COLGALT2: variants seen among roughly 807,000 people sequenced by gnomAD.
The protein encoded by COLGALT2 is procollagen galactosyltransferase 2.
A neutral mutation model predicts 73.4 loss-of-function variants in COLGALT2; 49 were observed. That is an observed-to-expected ratio of 0.67 (90% confidence interval 0.53 to 0.85). The LOEUF (loss-of-function observed/expected upper bound fraction) is 0.85, where lower values mean the gene tolerates loss of function less well. COLGALT2 is among the 40% of genes least tolerant of loss of function. COLGALT2 has a pLI of 0.00. For synonymous variants in COLGALT2, 295 were observed against 307.6 expected, an observed-to-expected ratio of 0.96 and a Z score of 0.43; for missense variants, 722 against 790.2, an observed-to-expected ratio of 0.91 and a Z score of 1.03.
At chr1:183,972,494 T>TA (rs909406769) in intron 4 of COLGALT2, among the ~76,000 whole-genome samples, 1 of 152,052 alleles carries the variant, frequency 6.6e-6, no homozygotes, top group Non-Finnish European at 1.5e-5. Context: ...AATTAAAGAA[T>TA]AAAAAATATA....
intron 1 of COLGALT2, among the ~76,000 whole-genome samples, chr1:184,020,678 C>T (rs1194256070): frequency 6.6e-6 from 1 of 152,180 alleles, no homozygotes; most frequent in Non-Finnish European, 1.5e-5. Context: ...CTTAACACAT[C>T]TTTTGAAATC....
intron 11 of COLGALT2, among the ~76,000 whole-genome samples, chr1:183,930,521 T>C (rs1669820713): frequency 6.6e-6 from 1 of 151,552 alleles, no homozygotes; most frequent in South Asian, 2.1e-4. Flanking sequence ...CATGAGTAGC[T>C]GGGACTACAT....
chr1:183,933,532 C>G (rs1233302198), downstream of COLGALT2, among the ~76,000 whole-genome samples: 8 of 152,224 alleles, frequency 5.3e-5, no homozygotes, highest in Non-Finnish European at 1.2e-4. Flanking sequence ...AATGCCTGGA[C>G]AACTGAACTC....
intron 1 of COLGALT2, among the ~76,000 whole-genome samples, chr1:184,026,979 T>G (rs1440883381): frequency 6.6e-6 from 1 of 152,200 alleles, no homozygotes; most frequent in African/African-American, 2.4e-5. Context: ...CGTTTTATAC[T>G]GAGCCCCAGT....
chr1:183,973,298 T>C (rs1050851663), intron 4 of COLGALT2, among the ~76,000 whole-genome samples: 15 of 152,182 alleles, frequency 9.9e-5, no homozygotes, highest in Non-Finnish European at 1.8e-4. Flanking sequence ...TTTTCTATAG[T>C]GTTCTTATGT....
At chr1:184,023,647 G>GTC in intron 1 of COLGALT2, among the ~76,000 whole-genome samples, 1 of 142,034 alleles carries the variant, frequency 7.0e-6, no homozygotes, top group Non-Finnish European at 1.5e-5. Flanking sequence ...GTGAGGTGGG[G>GTC]GGGGGGGGCG....
chr1:183,967,896 G>A (rs1053207161), intron 5 of COLGALT2, among the ~76,000 whole-genome samples: 1 of 152,118 alleles, frequency 6.6e-6, no homozygotes, highest in African/African-American at 2.4e-5. Flanking sequence ...TAGACATAAG[G>A]GCTACAAAAT....
At chr1:183,955,832 T>C (rs1375613535) in intron 6 of COLGALT2, among the ~76,000 whole-genome samples, 1 of 152,204 alleles carries the variant, frequency 6.6e-6, no homozygotes, top group Non-Finnish European at 1.5e-5. Flanking sequence ...CTGTAACGTA[T>C]CTGTTCACCT....
At chr1:183,971,802 C>T (rs1277984486) in intron 4 of COLGALT2, among the ~76,000 whole-genome samples, 2 of 152,292 alleles carry the variant, frequency 1.3e-5, no homozygotes, top group East Asian at 1.9e-4. Context: ...ACAAAAATCA[C>T]GTTAATCCCC....
chr1:184,015,402 GCCTTGTT>G (rs1648966768), intron 1 of COLGALT2, among the ~76,000 whole-genome samples: 1 of 152,146 alleles, frequency 6.6e-6, no homozygotes, highest in Admixed American at 6.5e-5. Context: ...TCAGAACAGT[GCCTTGTT>G]CCTCAACCCA....
downstream of COLGALT2, among the ~76,000 whole-genome samples, chr1:183,931,041 T>C (rs1207885132): frequency 6.6e-6 from 1 of 152,238 alleles, no homozygotes; most frequent in Non-Finnish European, 1.5e-5. Context: ...TAATGTTTTC[T>C]TAAGAGTTTG....
intron 1 of COLGALT2, among the ~76,000 whole-genome samples, chr1:183,987,688 C>T (rs1362482624): frequency 6.6e-6 from 1 of 152,190 alleles, no homozygotes; most frequent in African/African-American, 2.4e-5. Flanking sequence ...GGGAACTTCT[C>T]CCCATCCAAC....
chr1:183,997,438 G>T (rs1671799214), intron 1 of COLGALT2, among the ~76,000 whole-genome samples: 1 of 152,086 alleles, frequency 6.6e-6, no homozygotes, highest in African/African-American at 2.4e-5. Flanking sequence ...TGAATTTTTG[G>T]TTATTAATTC....
intron 5 of COLGALT2, among the ~76,000 whole-genome samples, chr1:183,967,606 C>T (rs1440137994): frequency 6.6e-6 from 1 of 152,176 alleles, no homozygotes; most frequent in Admixed American, 6.5e-5. Context: ...TAATTTAGTT[C>T]ATTGCATCAT....
At chr1:184,028,573 A>T (rs556479503) in intron 1 of COLGALT2, among the ~76,000 whole-genome samples, 77 of 152,342 alleles carry the variant, frequency 5.1e-4, no homozygotes, top group African/African-American at 1.7e-3. Flanking sequence ...CTGCAGCCTG[A>T]TGTATCCCTC....
In COLGALT2 at chr1:183,962,220, C is replaced by T. The variant is rs996166974; in HGVS notation, c.952+1681G>A. ...TGTCACTCAGGCTGGAGTGCAATGG[C>T]GCGATCTTGGCTCACTGCAACCTCT... is the stretch of plus-strand genomic sequence containing the variant. On this transcript the variant is annotated intron_variant, in intron 6 of 11. Transcript: ENST00000361927. 3.8e-4 allele frequency among the ~76,000 whole-genome samples: 47 copies of T among 125,310 alleles called. 1 individual carries two copies. The East Asian group carries it at 3.9e-3, about 10-fold the overall frequency. The allele number at this position is 125,310 out of a possible 152,430, so 82.2% of individuals were successfully genotyped here.
chr1:183,931,326 G>T (rs1018193172), downstream of COLGALT2, among the ~76,000 whole-genome samples: 2 of 152,152 alleles, frequency 1.3e-5, no homozygotes, highest in African/African-American at 2.4e-5. Flanking sequence ...GGTCAGCTGG[G>T]CACCTGGTTG....
chr1:184,021,752 G>A (rs1300277381), intron 1 of COLGALT2, among the ~76,000 whole-genome samples: 1 of 152,186 alleles, frequency 6.6e-6, no homozygotes, highest in East Asian at 1.9e-4. Context: ...TTAATAACAA[G>A]TTACTGGTTT....
At chr1:184,002,221 C>T (rs553791113) in intron 1 of COLGALT2, among the ~76,000 whole-genome samples, 1 of 152,248 alleles carries the variant, frequency 6.6e-6, no homozygotes, top group East Asian at 1.9e-4. Context: ...GGGCCTGGGC[C>T]CAACAATAAA....
Sources: allele counts gnomAD v4.1 joint callset (sites outside exome capture counted in the v4.1 genomes callset), GRCh38; gene constraint gnomAD v4.1.1; transcripts MANE v1.5; gene names NCBI Gene and HGNC (gene_info 2026-07-23, HGNC 2026-07-21).